OR9Q1: variants seen among roughly 807,000 people sequenced by gnomAD.
The protein encoded by OR9Q1 is olfactory receptor family 9 subfamily Q member 1, also known as olfactory receptor 9Q1.
For missense variants in OR9Q1, 374 were observed against 378.8 expected (o/e 0.99, Z 0.11); for synonymous variants, 153 against 148.6 (o/e 1.03, Z -0.22).
At chr11:58,124,566 T>G (rs1046158483) in intron 2 of OR9Q1, 1 of 152,224 alleles carries the variant, frequency 6.6e-6, no homozygotes, top group African/African-American at 2.4e-5. Context: ...GAAATATTGT[T>G]GTTAACATTT....
rs1853644110 is a variant in OR9Q1 at position 58,087,373 on chromosome 11, T to C, written c.-15+31426T>C. On this transcript the variant is annotated intron_variant, in intron 2 of 2. Transcript: ENST00000335397. ...TTTTTCCTTTATATACCTGGAATCA[T>C]ACAGTATGAAGTCATTTGTGTCTAA... 2.0e-5 allele frequency among the ~76,000 whole-genome samples: 3 copies of C among 151,968 alleles called. No homozygotes were observed. In the South Asian group the frequency reaches 6.2e-4, roughly 31 times the overall value.
intron 2 of OR9Q1, among the ~76,000 whole-genome samples, chr11:58,088,389 A>G (rs1207470401): frequency 6.6e-6 from 1 of 151,924 alleles, no homozygotes; most frequent in Non-Finnish European, 1.5e-5. Flanking sequence ...TCCTTGAGGA[A>G]TTGCCACACT....
intron 2 of OR9Q1, among the ~76,000 whole-genome samples, chr11:58,112,766 T>C (rs759991670): frequency 1.6e-4 from 25 of 152,168 alleles, no homozygotes; most frequent in Non-Finnish European, 3.5e-4. Flanking sequence ...TGTGCCCATA[T>C]ATGTCTGATG....
chr11:58,059,661 C>G (rs371864075), intron 2 of OR9Q1, among the ~76,000 whole-genome samples: 3 of 120,806 alleles, frequency 2.5e-5, no homozygotes, highest in South Asian at 3.0e-4. Context: ...GCACTCCTGC[C>G]TGGGTGACTG....
chr11:58,030,874 C>T, intron 1 of OR9Q1: 1 of 856,018 alleles, frequency 1.2e-6, no homozygotes. Context: ...TTTAGTACAA[C>T]ATCCTCCAAC....
chr11:58,114,322 T>G (rs1024016077), intron 2 of OR9Q1, among the ~76,000 whole-genome samples: 1 of 152,174 alleles, frequency 6.6e-6, no homozygotes, highest in African/African-American at 2.4e-5. Context: ...CCTAAGATGA[T>G]GCTTATGTAT....
intron 1 of OR9Q1, among the ~76,000 whole-genome samples, chr11:58,042,106 C>G (rs1440455683): frequency 6.6e-6 from 1 of 152,108 alleles, no homozygotes. Flanking sequence ...CTTTTTAAAC[C>G]GTGCTACCCT....
At chr11:58,133,566 T>A (rs1207145181) in intron 2 of OR9Q1, among the ~76,000 whole-genome samples, 1 of 152,234 alleles carries the variant, frequency 6.6e-6, no homozygotes, top group Non-Finnish European at 1.5e-5. Context: ...TTGGTTTCCT[T>A]ATCTATAACA....
intron 2 of OR9Q1, among the ~76,000 whole-genome samples, chr11:58,119,815 G>A (rs561862469): frequency 2.1e-5 from 3 of 143,354 alleles, no homozygotes; most frequent in East Asian, 3.9e-4. Context: ...GTTGCCGTAT[G>A]AGCCTCCATC....
intron 2 of OR9Q1, chr11:58,073,613 A>T (rs981243374): frequency 2.0e-5 from 3 of 152,552 alleles, no homozygotes; most frequent in Non-Finnish European, 4.4e-5. Flanking sequence ...CCTCCAAAAA[A>T]TGATAGCGAA....
chr11:58,112,537 C>T (rs993754468), intron 2 of OR9Q1, among the ~76,000 whole-genome samples: 6 of 152,148 alleles, frequency 3.9e-5, no homozygotes, highest in African/African-American at 1.4e-4. Flanking sequence ...TCCCGTTGGA[C>T]TTGCATAACT....
At chr11:58,125,287 A>T (rs1418392952) in intron 2 of OR9Q1, 3 of 124,858 alleles carry the variant, frequency 2.4e-5, no homozygotes. Context: ...TATATTTCAC[A>T]TAAGAGCTGA....
At chr11:58,157,740 AG>A (rs551084569) in intron 2 of OR9Q1, among the ~76,000 whole-genome samples, 143 of 152,362 alleles carry the variant, frequency 9.4e-4, no homozygotes, top group African/African-American at 3.3e-3. Context: ...AGCCTCTACC[AG>A]CAGGTCCTTT....
chr11:58,169,141 C>T (rs1169458165), intron 2 of OR9Q1, among the ~76,000 whole-genome samples: 1 of 152,116 alleles, frequency 6.6e-6, no homozygotes, highest in African/African-American at 2.4e-5. Flanking sequence ...CTCTGGCTTC[C>T]AGTATTCAGT....
At chr11:58,168,613 T>C (rs1394693062) in intron 2 of OR9Q1, among the ~76,000 whole-genome samples, 1 of 151,980 alleles carries the variant, frequency 6.6e-6, no homozygotes, top group Non-Finnish European at 1.5e-5. Context: ...CCAATGCCTC[T>C]TTTTTTTCCC....
chr11:58,066,101 T>A (rs1324348465), intron 2 of OR9Q1, among the ~76,000 whole-genome samples: 1 of 126,834 alleles, frequency 7.9e-6, no homozygotes, highest in Non-Finnish European at 1.7e-5. Flanking sequence ...CTCCCTCCCC[T>A]CCCTCCCTCC....
At chr11:58,146,480 A>G (rs188531938) in intron 2 of OR9Q1, among the ~76,000 whole-genome samples, 4 of 152,290 alleles carry the variant, frequency 2.6e-5, no homozygotes, top group Admixed American at 1.3e-4. Flanking sequence ...TATTATATCT[A>G]CTATGTATCA....
chr11:58,174,130 G>A (rs1854581005), intron 2 of OR9Q1, among the ~76,000 whole-genome samples: 1 of 152,156 alleles, frequency 6.6e-6, no homozygotes, highest in Non-Finnish European at 1.5e-5. Flanking sequence ...AAACTCCCCT[G>A]CTCAGGGATG....
intron 2 of OR9Q1, among the ~76,000 whole-genome samples, chr11:58,103,619 T>TA (rs1853811739): frequency 6.6e-6 from 1 of 152,216 alleles, no homozygotes; most frequent in Non-Finnish European, 1.5e-5. Flanking sequence ...AAGGGAAAAT[T>TA]ATTGTGTTCC....
Sources: gnomAD v4.1 joint callset for allele counts (sites outside exome capture counted in the v4.1 genomes callset) on GRCh38, gnomAD v4.1.1 for gene constraint, MANE v1.5 for transcripts, NCBI Gene and HGNC (gene_info 2026-07-23, HGNC 2026-07-21) for gene names.